IMMT: variants seen among roughly 807,000 people sequenced by gnomAD.
The protein encoded by IMMT is inner membrane mitochondrial protein, also known as MICOS complex subunit MIC60.
In IMMT, 40 loss-of-function variants were observed where a neutral mutation model predicts 92.7. That is an observed-to-expected ratio of 0.43 (90% CI 0.34 to 0.56). The LOEUF is 0.56. Ranked by LOEUF, IMMT falls within the 20% of genes least tolerant of loss-of-function variation. IMMT has a pLI of 0.03. For synonymous variants in IMMT, 322 were observed against 336.1 expected, an observed-to-expected ratio of 0.96 and a Z score of 0.46; for missense variants, 831 against 912.1, an observed-to-expected ratio of 0.91 and a Z score of 1.14.
chr2:86,186,969 T>G (rs924683487), intron 1 of IMMT, among the ~76,000 whole-genome samples: 1 of 152,224 alleles, frequency 6.6e-6, no homozygotes, highest in Non-Finnish European at 1.5e-5. Context: ...TATGTGTGTA[T>G]CTAGCTCTGG....
rs763356600 is a variant in IMMT at position 86,195,398 on chromosome 2, G to A, written c.-16C>T. The A allele has an allele frequency of 2.3e-5, 36 of 1,546,842 alleles. No individual in the cohort carries two copies. Among genetic ancestry groups the A allele is most frequent in the South Asian group, 2.0e-4 (17 of 83,504 alleles). On this transcript the variant is annotated 5_prime_UTR_variant, in exon 1 of 15. Coordinates refer to ENST00000410111, the MANE Select transcript of IMMT (RefSeq NM_006839.3). ...CCCGCAGCATCTCGGTCAAGCGGACGGCGCTGCTGGTGGACTCGAGCTGCC... is the reference window on the plus strand; with the variant it reads ...CCCGCAGCATCTCGGTCAAGCGGACAGCGCTGCTGGTGGACTCGAGCTGCC...
intron 7 of IMMT, among the ~76,000 whole-genome samples, chr2:86,162,382 C>CA (rs147544510): frequency 0.042 from 6,183 of 148,786 alleles, 462 homozygotes; most frequent in African/African-American, 0.15. Flanking sequence ...ATGTACAAAC[C>CA]AAAATCAGAG....
At chr2:86,149,048 A>ACT (rs61055535) in intron 12 of IMMT, among the ~76,000 whole-genome samples, 13,233 of 152,208 alleles carry the variant, frequency 0.087, 1,639 homozygotes, top group African/African-American at 0.28. Flanking sequence ...TCTACATATG[A>ACT]CTGAGCAGGC....
intron 13 of IMMT, among the ~76,000 whole-genome samples, chr2:86,147,226 G>A (rs1452141612): frequency 1.3e-5 from 2 of 152,084 alleles, no homozygotes; most frequent in East Asian, 1.9e-4. Flanking sequence ...GACATACATC[G>A]CGATTCTCTG....
intron 1 of IMMT, among the ~76,000 whole-genome samples, chr2:86,182,784 G>A (rs935770398): frequency 6.6e-6 from 1 of 151,854 alleles, no homozygotes; most frequent in Non-Finnish European, 1.5e-5. Flanking sequence ...CCCGGAGGTG[G>A]AGGTTGCAAT....
At chr2:86,148,469 G>A (rs964623720) in intron 12 of IMMT, among the ~76,000 whole-genome samples, 17 of 152,104 alleles carry the variant, frequency 1.1e-4, no homozygotes, top group Middle Eastern at 3.4e-3. Context: ...AAAATTAGCC[G>A]GGTGTGGTGG....
chr2:86,148,318 A>G (rs1312223188), intron 12 of IMMT, among the ~76,000 whole-genome samples: 1 of 152,218 alleles, frequency 6.6e-6, no homozygotes, highest in African/African-American at 2.4e-5. Context: ...ATCATTAAGA[A>G]AATTAGTTGG....
chr2:86,171,961 T>A (rs1010822604), intron 4 of IMMT, among the ~76,000 whole-genome samples: 49 of 21,868 alleles, frequency 2.2e-3, no homozygotes, highest in Non-Finnish European at 3.6e-3. Context: ...TGTAGTATAT[T>A]TTTTTTTTTT....
intron 10 of IMMT, among the ~76,000 whole-genome samples, chr2:86,154,206 T>C (rs1171110934): frequency 7.0e-6 from 1 of 141,894 alleles, no homozygotes; most frequent in African/African-American, 2.6e-5. Flanking sequence ...AGAGTCTCGC[T>C]CTGTCGCCCA....
intron 12 of IMMT, among the ~76,000 whole-genome samples, chr2:86,150,879 C>T (rs2104665916): frequency 6.6e-6 from 1 of 151,976 alleles, no homozygotes; most frequent in South Asian, 2.1e-4. Context: ...GGTCAGCTGG[C>T]ATGACTTATA....
intron 11 of IMMT, among the ~76,000 whole-genome samples, chr2:86,151,896 T>G (rs1007748318): frequency 6.6e-6 from 1 of 152,234 alleles, no homozygotes; most frequent in Non-Finnish European, 1.5e-5. Flanking sequence ...AGGCATCCAA[T>G]TGAAGATTCT....
At chr2:86,159,381 A>G (rs1264627851) in intron 9 of IMMT, 155 bp downstream of exon 9, 1 of 744,290 alleles carries the variant, frequency 1.3e-6, no homozygotes, top group East Asian at 2.8e-5. Flanking sequence ...CACCACACCC[A>G]GCCAAGGCAA....
rs868808988 is a variant in IMMT at position 86,162,341 on chromosome 2, G to T, written c.793-262C>A. Among the ~76,000 whole-genome samples the T allele has an allele frequency of 3.4e-3, 474 of 140,122 alleles. 1 individual carries two copies. The highest frequency in any genetic ancestry group is 0.011 in the African/African-American group (410 of 37,956). The allele number at this position is 140,122 out of a possible 152,430, so 91.9% of individuals were successfully genotyped here. ...ATATAAGCATTTTCTAAGGAGAGTT[G>T]TTTTTTTTTTTTTTTAAGATTCTCA... On this transcript the variant is annotated intron_variant, in intron 7 of 14. Coordinates refer to ENST00000410111, the MANE Select transcript of IMMT (RefSeq NM_006839.3).
chr2:86,171,814 C>A (rs1037950180), intron 4 of IMMT, among the ~76,000 whole-genome samples: 2 of 151,474 alleles, frequency 1.3e-5, no homozygotes, highest in African/African-American at 4.9e-5. Flanking sequence ...GATGAAAGGT[C>A]ACAGTGATCA....
intron 8 of IMMT, among the ~76,000 whole-genome samples, chr2:86,160,716 G>C (rs79677305): frequency 6.6e-6 from 1 of 152,188 alleles, no homozygotes; most frequent in Non-Finnish European, 1.5e-5. Flanking sequence ...GGGCATGCTT[G>C]CTCAATCCTA....
intron 1 of IMMT, among the ~76,000 whole-genome samples, chr2:86,191,967 C>T (rs980479095): frequency 6.6e-6 from 1 of 152,028 alleles, no homozygotes; most frequent in Non-Finnish European, 1.5e-5. Context: ...CACTATGGCT[C>T]ACGCCTGTAA....
At chr2:86,151,817 T>C (rs531943679) in intron 11 of IMMT, among the ~76,000 whole-genome samples, 26 of 152,358 alleles carry the variant, frequency 1.7e-4, no homozygotes, top group African/African-American at 6.3e-4. Flanking sequence ...ACTTTGCCTT[T>C]AAAGACAAAA....
chr2:86,175,319 T>C (rs1677359183), intron 3 of IMMT, among the ~76,000 whole-genome samples: 1 of 152,130 alleles, frequency 6.6e-6, no homozygotes, highest in Non-Finnish European at 1.5e-5. Context: ...ACTAGATTTG[T>C]GTATATAGAC....
intron 4 of IMMT, among the ~76,000 whole-genome samples, chr2:86,173,352 G>C (rs1392508270): frequency 6.6e-6 from 1 of 152,134 alleles, no homozygotes; most frequent in East Asian, 1.9e-4. Context: ...AGGCCGAGGC[G>C]GGCAGATCAC....
Sources: allele counts gnomAD v4.1 joint callset (sites outside exome capture counted in the v4.1 genomes callset), GRCh38; gene constraint gnomAD v4.1.1; transcripts MANE v1.5; gene names NCBI Gene and HGNC (gene_info 2026-07-23, HGNC 2026-07-21).